Variants in CCDC144A observed in about 807,000 individuals in gnomAD.
The protein encoded by CCDC144A is coiled-coil domain-containing protein 144A.
In CCDC144A, 41 loss-of-function variants were observed where a neutral mutation model predicts 143.8. The ratio of observed to expected loss-of-function variants is 0.29; its 90% CI spans 0.22 to 0.37. The LOEUF (loss-of-function observed/expected upper bound fraction) is 0.37, where lower values mean the gene tolerates loss of function less well. Ranked by LOEUF, CCDC144A falls within the 10% of genes least tolerant of loss-of-function variation. The probability of loss-of-function intolerance (pLI) is 1.00; values close to 1 mark genes in which losing one functional copy is unlikely to be tolerated. For synonymous variants in CCDC144A, 242 were observed against 517.9 expected (o/e 0.47, Z 7.23); for missense variants, 637 against 1,488.8 (o/e 0.43, Z 9.41).
rs1915934313 is a variant in CCDC144A at position 16,774,370 on chromosome 17, C to A, written c.*737C>A. 1 of 144,822 alleles carries A rather than the reference C, an allele frequency of 6.9e-6. No individual in the cohort carries two copies. The highest frequency in any genetic ancestry group is 1.5e-5 in the Non-Finnish European group (1 of 67,626). The allele number at this position is 144,822 out of a possible 1,614,324, so 9.0% of individuals were successfully genotyped here. ...CATCAATACACTTGATCATTTAATT[C>A]TCAGTTTCTTTTCAAGTTTTCTTAA... is the stretch of plus-strand genomic sequence containing the variant. On this transcript the variant is annotated 3_prime_UTR_variant, in exon 17 of 17. Coordinates refer to ENST00000399273, the MANE Select transcript of CCDC144A (RefSeq NM_001382000.1).
upstream of CCDC144A, among the ~76,000 whole-genome samples, chr17:16,688,327 C>A (rs1283662686): frequency 6.6e-6 from 1 of 151,930 alleles, no homozygotes. Context: ...GATCACCCTT[C>A]AAGGCCTACC....
chr17:16,773,093 A>G (rs1199431793), intron 16 of CCDC144A, among the ~76,000 whole-genome samples: 2 of 152,070 alleles, frequency 1.3e-5, no homozygotes, highest in African/African-American at 4.8e-5. Flanking sequence ...TCTTGTTAAC[A>G]CTGAAAAAGC....
intron 11 of CCDC144A, among the ~76,000 whole-genome samples, chr17:16,733,429 G>A (rs894232953): frequency 6.7e-6 from 1 of 149,952 alleles, no homozygotes; most frequent in Non-Finnish European, 1.5e-5. Flanking sequence ...CGTGAACCCT[G>A]GGTGGCGGAG....
At chr17:16,718,987 G>A (rs1361938789) in intron 6 of CCDC144A, among the ~76,000 whole-genome samples, 1 of 141,094 alleles carries the variant, frequency 7.1e-6, no homozygotes, top group Non-Finnish European at 1.5e-5. Flanking sequence ...GCCCGCCACC[G>A]TGCCCAGCTA....
rs759948806 is a variant in CCDC144A at position 16,709,653 on chromosome 17, G to T, written c.1578+18G>T. 45 of 1,604,436 alleles carry T rather than the reference G, an allele frequency of 2.8e-5. No individual in the cohort carries two copies. In the South Asian group the frequency reaches 4.8e-4, roughly 17 times the overall value. Reference sequence around the variant, plus strand: ...ATAAAGATGTAGGGTTTTACTTGCTGCCACTCTTTGTTTTTTCTCTCAATT... The same window carrying T: ...ATAAAGATGTAGGGTTTTACTTGCTTCCACTCTTTGTTTTTTCTCTCAATT... On this transcript the variant is annotated intron_variant, in intron 5 of 16. Transcript: ENST00000399273.
At chr17:16,750,088 T>A (rs1415892664) in intron 12 of CCDC144A, among the ~76,000 whole-genome samples, 1 of 152,220 alleles carries the variant, frequency 6.6e-6, no homozygotes, top group Non-Finnish European at 1.5e-5. Context: ...TTTAGACCAT[T>A]GTATTCAGTA....
chr17:16,697,919 G>A (rs916822879), intron 2 of CCDC144A, among the ~76,000 whole-genome samples: 2 of 152,214 alleles, frequency 1.3e-5, no homozygotes, highest in Non-Finnish European at 2.9e-5. Context: ...ATTTAACCGG[G>A]ACACGAGGGA....
At chr17:16,676,142 A>G in the CCDC144A span, among the ~76,000 whole-genome samples, 1 of 152,086 alleles carries the variant, frequency 6.6e-6, no homozygotes, top group South Asian at 2.1e-4. Context: ...ATTGAAAAAA[A>G]GGGCAATGAT....
chr17:16,775,793 G>A lies in CCDC144A; in HGVS notation c.*2160G>A, dbSNP rs1915982369. On this transcript the variant is annotated 3_prime_UTR_variant, in exon 17 of 17. Coordinates refer to ENST00000399273, the MANE Select transcript of CCDC144A (RefSeq NM_001382000.1). ...AAATCTTTGCCCTTGCCTGTGTCCT[G>A]AATGGCATTGCCTAGGTTTTCTTCC... 6.6e-6 allele frequency: 1 copy of A among 152,212 alleles called. No individual in the cohort carries two copies. The highest frequency in any genetic ancestry group is 1.5e-5 in the Non-Finnish European group (1 of 68,052). The allele number at this position is 152,212 out of a possible 1,614,324, so 9.4% of individuals were successfully genotyped here. A position where few individuals can be genotyped will look rare whatever the true frequency, so the allele number is the denominator to read the frequency against.
At chr17:16,715,374 G>T (rs1912691189) in intron 6 of CCDC144A, among the ~76,000 whole-genome samples, 1 of 151,096 alleles carries the variant, frequency 6.6e-6, no homozygotes, top group African/African-American at 2.4e-5. Context: ...ACTTTTGCCT[G>T]GAAATTATAT....
At chr17:16,697,987 T>C (rs1390608801) in intron 2 of CCDC144A, among the ~76,000 whole-genome samples, 1 of 152,142 alleles carries the variant, frequency 6.6e-6, no homozygotes, top group Non-Finnish European at 1.5e-5. Flanking sequence ...CGACTAACAG[T>C]TTTCTCTGCA....
intron 12 of CCDC144A, among the ~76,000 whole-genome samples, chr17:16,753,863 A>C (rs3905832): frequency 3.9e-5 from 6 of 152,218 alleles, no homozygotes; most frequent in South Asian, 2.1e-4. Flanking sequence ...GTAATACTGA[A>C]CTTTAGAATA....
chr17:16,710,752 G>T (rs1180303690), intron 5 of CCDC144A, among the ~76,000 whole-genome samples: 2 of 152,156 alleles, frequency 1.3e-5, no homozygotes, highest in Admixed American at 6.5e-5. Context: ...CCCACCCTCC[G>T]CTAAGGCATT....
the CCDC144A span, among the ~76,000 whole-genome samples, chr17:16,670,885 G>C: frequency 6.6e-6 from 1 of 152,040 alleles, no homozygotes; most frequent in African/African-American, 2.4e-5. Context: ...ATAAAGTCAG[G>C]ATAATAAGGT....
intron 11 of CCDC144A, among the ~76,000 whole-genome samples, chr17:16,734,198 G>A (rs1485589931): frequency 6.7e-6 from 1 of 149,534 alleles, no homozygotes; most frequent in African/African-American, 2.5e-5. Context: ...ATGAATAAAT[G>A]TAATTCTTAT....
At chr17:16,692,741 A>G (rs542064145) in intron 1 of CCDC144A, among the ~76,000 whole-genome samples, 14 of 151,818 alleles carry the variant, frequency 9.2e-5, no homozygotes, top group Admixed American at 3.9e-4. Context: ...CATTATGCCA[A>G]GCTAATGTGA....
At chr17:16,746,188 C>T in intron 12 of CCDC144A, 1 of 1,504,178 alleles carries the variant, frequency 6.6e-7, no homozygotes, top group South Asian at 1.2e-5. Context: ...GTGGTTGGTT[C>T]CTCTCCCTTT....
intron 12 of CCDC144A, among the ~76,000 whole-genome samples, chr17:16,748,990 A>G (rs902103011): frequency 1.3e-5 from 2 of 151,756 alleles, no homozygotes; most frequent in African/African-American, 4.8e-5. Flanking sequence ...TTATTTATTT[A>G]TTTATTTATC....
Position 16,705,332 on chromosome 17 carries a change from C to G in CCDC144A, c.597C>G (p.Leu199=). Residue 199 remains leucine (L), a synonymous_variant, in exon 3 of 17, where the codon CTC becomes CTG. Transcript: ENST00000399273. The part of the protein sequence containing the change: ...REKMDTGVVL[L]SGNDTLHDLC... ...AGATGGACACTGGAGTTGTACTTCT[C>G]TCAGGGAATGATACTCTCCATGACC... The G allele has an allele frequency of 2.1e-6, 2 of 936,430 alleles. No individual in the cohort carries two copies. Among genetic ancestry groups the G allele is most frequent in the South Asian group, 2.7e-5 (2 of 73,996 alleles). The allele number at this position is 936,430 out of a possible 1,614,324, so 58.0% of individuals were successfully genotyped here. A position where few individuals can be genotyped will look rare whatever the true frequency, so the allele number is the denominator to read the frequency against.
Sources: gnomAD v4.1 joint callset for allele counts (sites outside exome capture counted in the v4.1 genomes callset) on GRCh38, gnomAD v4.1.1 for gene constraint, MANE v1.5 for transcripts, NCBI Gene and HGNC (gene_info 2026-07-23, HGNC 2026-07-21) for gene names.